Variants in NPLOC4 observed in about 807,000 individuals in gnomAD.
NPLOC4 encodes nuclear protein localization protein 4 homolog.
In NPLOC4, 18 loss-of-function variants were observed where a neutral mutation model predicts 80.6. The observed-to-expected ratio is 0.22, with a 90% CI of 0.15 to 0.33. The LOEUF is 0.33. Among genes scored for constraint, NPLOC4 ranks in the 10% least tolerant of loss-of-function variants. The pLI is 1.00. For synonymous variants in NPLOC4, 313 were observed against 301.5 expected, an observed-to-expected ratio of 1.04 and a Z score of -0.39; for missense variants, 540 against 786.1, an observed-to-expected ratio of 0.69 and a Z score of 3.74.
intron 2 of NPLOC4, among the ~76,000 whole-genome samples, chr17:81,626,545 A>G (rs76147980): frequency 0.014 from 2,070 of 152,244 alleles, 29 homozygotes; most frequent in South Asian, 0.021. Context: ...GACAGCTTCA[A>G]ATGCTCAACA....
intron 8 of NPLOC4, among the ~76,000 whole-genome samples, chr17:81,601,224 T>C (rs183765763): frequency 3.3e-5 from 5 of 152,276 alleles, no homozygotes; most frequent in African/African-American, 9.6e-5. Flanking sequence ...TAATCTCAAA[T>C]TGAGTTACAG....
intron 9 of NPLOC4, among the ~76,000 whole-genome samples, chr17:81,599,487 A>G (rs766857382): frequency 9.2e-5 from 14 of 152,134 alleles, no homozygotes; most frequent in Non-Finnish European, 1.8e-4. Flanking sequence ...TAGAAACAGG[A>G]TGTTTCTTTC....
chr17:81,607,154 C>T (rs180688312), intron 6 of NPLOC4, among the ~76,000 whole-genome samples: 40 of 152,268 alleles, frequency 2.6e-4, no homozygotes, highest in African/African-American at 8.2e-4. Context: ...TGCCACTGAG[C>T]GGGCATGAGG....
At chr17:81,636,824 G>A in intron 1 of NPLOC4, 92 bp downstream of exon 1, 2 of 1,268,166 alleles carry the variant, frequency 1.6e-6, no homozygotes, top group Non-Finnish European at 2.0e-6. Flanking sequence ...CCGAGTCGCG[G>A]CGCCGGCAGG....
At chr17:81,616,333 A>AG (rs1555686395) in intron 3 of NPLOC4, among the ~76,000 whole-genome samples, 1 of 115,636 alleles carries the variant, frequency 8.6e-6, no homozygotes, top group Non-Finnish European at 1.7e-5. Context: ...AAAAAAAAAA[A>AG]AAAAAGAAAA....
intron 3 of NPLOC4, among the ~76,000 whole-genome samples, chr17:81,614,947 G>A (rs566839651): frequency 1.6e-4 from 25 of 152,288 alleles, no homozygotes; most frequent in Middle Eastern, 6.8e-3. Flanking sequence ...ACACGGTGAA[G>A]GAAGAGCAGA....
At chr17:81,619,908 C>A (rs961969865) in intron 3 of NPLOC4, among the ~76,000 whole-genome samples, 11 of 151,650 alleles carry the variant, frequency 7.3e-5, no homozygotes, top group Admixed American at 2.6e-4. Flanking sequence ...GGGTACAGCA[C>A]CCCATGGTCC....
intron 9 of NPLOC4, 68 bp downstream of exon 9, chr17:81,600,273 T>C (rs942424123): frequency 4.8e-5 from 55 of 1,141,080 alleles, no homozygotes; most frequent in Non-Finnish European, 6.6e-5. Flanking sequence ...CTCTCCCAAC[T>C]CCCCCTGGCC....
At chr17:81,589,217 C>T (rs1256553846) in intron 11 of NPLOC4, 113 bp from the exon 12 acceptor site, 5 of 940,492 alleles carry the variant, frequency 5.3e-6, no homozygotes, top group Non-Finnish European at 6.2e-6. Context: ...AAGAGTTTGT[C>T]GGGGGTAAGA....
chr17:81,637,012 C>A lies in NPLOC4; in HGVS notation c.-82G>T. 1.1e-6 allele frequency: 1 copy of A among 947,982 alleles called. No homozygotes were observed. Among genetic ancestry groups the A allele is most frequent in the East Asian group, 3.8e-5 (1 of 26,124 alleles). 58.7% of individuals were successfully genotyped at this position (947,982 alleles called of 1,614,324 possible). A position where few individuals can be genotyped will look rare whatever the true frequency, so the allele number is the denominator to read the frequency against. On this transcript the variant is annotated 5_prime_UTR_variant, in exon 1 of 17. It adds an upstream start codon to the 5' untranslated region. Transcript: ENST00000331134. ...AGGGCCTCGCAGACCCGGCCGCGGCCTCAGCCCCGGCCCCGGCCTCCCTAC... is the reference window on the plus strand; with the variant it reads ...AGGGCCTCGCAGACCCGGCCGCGGCATCAGCCCCGGCCCCGGCCTCCCTAC...
chr17:81,609,689 T>C (rs1222578307), intron 5 of NPLOC4, among the ~76,000 whole-genome samples: 1 of 152,184 alleles, frequency 6.6e-6, no homozygotes, highest in Non-Finnish European at 1.5e-5. Context: ...CTAAGTCAAA[T>C]GAGTTTCAGG....
chr17:81,623,464 CAAAAAAAAAA>C (rs60092546), intron 2 of NPLOC4, among the ~76,000 whole-genome samples: 6 of 82,614 alleles, frequency 7.3e-5, no homozygotes, highest in Admixed American at 7.3e-4. Flanking sequence ...GACTTTGTTT[CAAAAAAAAAA>C]AAAAAAAAAA....
chr17:81,615,098 T>TTCTTTC (rs1260632018), intron 3 of NPLOC4, among the ~76,000 whole-genome samples: 1 of 91,070 alleles, frequency 1.1e-5, no homozygotes. Flanking sequence ...AGACGTCTGT[T>TTCTTTC]TCTTTTTTTT....
At chr17:81,578,171 T>C (rs1170783657) in intron 12 of NPLOC4, among the ~76,000 whole-genome samples, 1 of 152,158 alleles carries the variant, frequency 6.6e-6, no homozygotes, top group Non-Finnish European at 1.5e-5. Flanking sequence ...AGAACTCACT[T>C]TCCATAAGTC....
At chr17:81,593,352 G>GC (rs1296768948) in intron 11 of NPLOC4, among the ~76,000 whole-genome samples, 1 of 152,020 alleles carries the variant, frequency 6.6e-6, no homozygotes, top group African/African-American at 2.4e-5. Context: ...CCTGTGCTCA[G>GC]CCCTTGCCCA....
chr17:81,576,089 G>C (rs992626598), intron 12 of NPLOC4, among the ~76,000 whole-genome samples: 6 of 152,224 alleles, frequency 3.9e-5, no homozygotes, highest in East Asian at 1.9e-4. Flanking sequence ...ACGATGACCA[G>C]AAGTAAGACA....
rs2033689480 is a variant in NPLOC4 at position 81,557,756 on chromosome 17, C to T, written c.*1503G>A. 1.3e-5 allele frequency: 2 copies of T among 152,334 alleles called. No homozygotes were observed. Among genetic ancestry groups the T allele is most frequent in the South Asian group, 4.1e-4 (2 of 4,838 alleles). 9.4% of individuals were successfully genotyped at this position (152,334 alleles called of 1,614,324 possible). ...CAGCTCCTCTCCACCCTTCCTGACCCTCCACAATAGCTCTGCCGTGACCAG... is the reference window on the plus strand; with the variant it reads ...CAGCTCCTCTCCACCCTTCCTGACCTTCCACAATAGCTCTGCCGTGACCAG... On this transcript the variant is annotated 3_prime_UTR_variant, in exon 17 of 17. Coordinates refer to ENST00000331134, the MANE Select transcript of NPLOC4 (RefSeq NM_017921.4).
chr17:81,584,613 A>G (rs1271875032), intron 12 of NPLOC4, among the ~76,000 whole-genome samples: 2 of 152,232 alleles, frequency 1.3e-5, no homozygotes, highest in Non-Finnish European at 2.9e-5. Flanking sequence ...GAGAATGAGA[A>G]GGGCTGATGA....
At chr17:81,600,531 G>T (rs2035034887) in intron 8 of NPLOC4, 104 bp from the exon 9 acceptor site, 2 of 802,220 alleles carry the variant, frequency 2.5e-6, no homozygotes, top group Non-Finnish European at 2.1e-6. Flanking sequence ...AGTGCTGGGG[G>T]CCTCCTTGTC....
Sources: allele counts gnomAD v4.1 joint callset (sites outside exome capture counted in the v4.1 genomes callset), GRCh38; gene constraint gnomAD v4.1.1; transcripts MANE v1.5; gene names NCBI Gene and HGNC (gene_info 2026-07-23, HGNC 2026-07-21).